Variants in CENPU observed in about 807,000 individuals in gnomAD.
CENPU encodes KSHV latent nuclear antigen interacting protein 1.
A neutral mutation model predicts 56.7 loss-of-function variants in CENPU; 46 were observed. The observed-to-expected ratio is 0.81, with a 90% confidence interval of 0.64 to 1.04. The LOEUF is 1.04. Ranked by LOEUF, CENPU falls within the 50% of genes least tolerant of loss-of-function variation. The pLI is 0.00. For synonymous variants in CENPU, 166 were observed against 163.0 expected (o/e 1.02, Z -0.14); for missense variants, 510 against 490.1 (o/e 1.04, Z -0.38).
In CENPU at chr4:184,716,432, C is replaced by T. The variant is rs779775070; in HGVS notation, c.583G>A (p.Val195Ile). ...TCTATTGCCAAGTTCTCTTTTTCAA[C>T]AGAGGGCTGGGCACTAAGGGGTCCT... ...KTGPLSAQPS[V>I]EKENLAIESQ... Residue 195 changes from valine (V) to isoleucine (I), a missense_variant, in exon 6 of 13, where the codon GTT becomes ATT. Coordinates refer to ENST00000281453, the MANE Select transcript of CENPU (RefSeq NM_024629.4). 1 of 1,614,064 alleles carries T rather than the reference C, an allele frequency of 6.2e-7. No individual in the cohort carries two copies. Among genetic ancestry groups the T allele is most frequent in the Non-Finnish European group, 8.5e-7 (1 of 1,179,980 alleles).
intron 1 of CENPU, among the ~76,000 whole-genome samples, chr4:184,733,712 C>T (rs1206446766): frequency 6.6e-6 from 1 of 152,252 alleles, no homozygotes; most frequent in African/African-American, 2.4e-5. Flanking sequence ...GAATATTTTG[C>T]TTTCAAGCTA....
intron 8 of CENPU, 174 bp from the exon 9 acceptor site, chr4:184,702,615 G>A: frequency 4.2e-6 from 2 of 481,120 alleles, no homozygotes; most frequent in South Asian, 2.5e-5. Flanking sequence ...TAAGGGGTTT[G>A]TTATATGGGC....
intron 3 of CENPU, among the ~76,000 whole-genome samples, chr4:184,727,921 T>G (rs902896755): frequency 6.6e-6 from 1 of 152,164 alleles, no homozygotes; most frequent in African/African-American, 2.4e-5. Context: ...TCCACTGATA[T>G]GTCCAGAAAT....
At chr4:184,712,270 T>C (rs1369769664) in intron 7 of CENPU, among the ~76,000 whole-genome samples, 3 of 151,686 alleles carry the variant, frequency 2.0e-5, no homozygotes, top group African/African-American at 7.3e-5. Flanking sequence ...CCAAACAACA[T>C]AGATGGATTG....
intron 1 of CENPU, among the ~76,000 whole-genome samples, chr4:184,731,717 A>T (rs7680323): frequency 0.6 from 91,546 of 152,042 alleles, 28,382 homozygotes; most frequent in Non-Finnish European, 0.68. Context: ...TTAGACTTTA[A>T]AATATGCCAT....
At chr4:184,701,013 T>C (rs1255837572) in intron 10 of CENPU, 132 bp from the exon 11 acceptor site, 6 of 702,702 alleles carry the variant, frequency 8.5e-6, no homozygotes, top group Admixed American at 4.2e-5. Flanking sequence ...TTTGGTCTAA[T>C]GGGGAAGACA....
chr4:184,732,611 C>T lies in CENPU; in HGVS notation c.47+1405G>A, dbSNP rs76816701. 1.9e-3 allele frequency among the ~76,000 whole-genome samples: 159 copies of T among 82,542 alleles called. 1 individual carries two copies. The East Asian group carries it at 0.021, about 11-fold the overall frequency. The allele number at this position is 82,542 out of a possible 152,430, so 54.2% of individuals were successfully genotyped here. ...ACCTAAACTCTTTGAGCTGTCTTGT[C>T]CTTTCTTGGGGGGGAAAAAAAGTCA... On this transcript the variant is annotated intron_variant, in intron 1 of 12. Coordinates refer to ENST00000281453, the MANE Select transcript of CENPU (RefSeq NM_024629.4).
At chr4:184,703,980 A>G (rs1760633665) in intron 8 of CENPU, among the ~76,000 whole-genome samples, 1 of 152,202 alleles carries the variant, frequency 6.6e-6, no homozygotes, top group Non-Finnish European at 1.5e-5. Context: ...AAACAAACCT[A>G]TAGTGTTGCC....
chr4:184,725,110 G>T, intron 3 of CENPU, 48 bp from the exon 4 acceptor site: 2 of 1,196,662 alleles, frequency 1.7e-6, no homozygotes, highest in Non-Finnish European at 2.4e-6. Flanking sequence ...CTGGCTATTT[G>T]GGCAGTACTG....
rs747829685 is a variant in CENPU at position 184,710,124 on chromosome 4, T to C, written c.745A>G (p.Lys249Glu). The C allele has an allele frequency of 1.2e-6, 2 of 1,612,126 alleles. No individual in the cohort carries two copies. The highest frequency in any genetic ancestry group is 3.3e-5 in the Admixed American group (2 of 59,808). Reference sequence around the variant, plus strand: ...TCAGGCAAAACAATATTCAACTCCTTGATGTCACTGGTTTTCATTCCTTCT... The same window carrying C: ...TCAGGCAAAACAATATTCAACTCCTCGATGTCACTGGTTTTCATTCCTTCT... Reference protein sequence around the residue: ...CPEGMKTSDIKELNIVLPEFE... With the variant: ...CPEGMKTSDIEELNIVLPEFE... The change falls in exon 8 of 13, where the codon AAG becomes GAG. Residue 249 changes from lysine (K) to glutamate (E), a missense_variant. Transcript: ENST00000281453.
intron 3 of CENPU, among the ~76,000 whole-genome samples, chr4:184,726,454 C>T (rs946972312): frequency 2.0e-5 from 3 of 152,052 alleles, no homozygotes; most frequent in African/African-American, 7.2e-5. Flanking sequence ...AAATCAAAAC[C>T]ACAGTGAGAT....
intron 8 of CENPU, among the ~76,000 whole-genome samples, chr4:184,706,649 T>C (rs1760738594): frequency 6.6e-6 from 1 of 152,224 alleles, no homozygotes. Context: ...TACAGGATAT[T>C]ACAAACAGAC....
In CENPU at chr4:184,702,137, C is replaced by T; in HGVS notation, c.877-1G>A. The T allele has an allele frequency of 6.2e-7, 1 of 1,602,930 alleles. No homozygotes were observed. Among genetic ancestry groups the T allele is most frequent in the East Asian group, 2.2e-5 (1 of 44,792 alleles). The stretch of plus-strand genomic sequence containing the variant: ...TTGTCAACATCTGGCTTTCTTTAAG[C>T]TACACAAAACAAAAAATACACATGT... On this transcript the variant is annotated splice_acceptor_variant, in intron 9 of 12. Coordinates refer to ENST00000281453, the MANE Select transcript of CENPU (RefSeq NM_024629.4). LOFTEE classifies it high-confidence loss of function.
chr4:184,709,953 TAAAAATATCTAAAACAATGACAATGAA>T, intron 8 of CENPU, 92 bp downstream of exon 8: 1 of 426,832 alleles, frequency 2.3e-6, no homozygotes, highest in Non-Finnish European at 4.2e-6. Context: ...TAATAAAATG[TAAAAATATCTAAAACAATGACAATGAA>T]AATAGTACAT....
intron 11 of CENPU, chr4:184,698,201 A>G (rs1310508974): frequency 1.3e-5 from 2 of 155,984 alleles, no homozygotes; most frequent in African/African-American, 4.8e-5. Flanking sequence ...CCTTCCTCTT[A>G]TCAAATCTTG....
intron 4 of CENPU, among the ~76,000 whole-genome samples, chr4:184,723,141 A>AG (rs1488199717): frequency 6.6e-6 from 1 of 152,220 alleles, no homozygotes; most frequent in Non-Finnish European, 1.5e-5. Flanking sequence ...AATCACACTA[A>AG]GGAACACCCA....
In CENPU at chr4:184,694,492, A is replaced by T. The variant is rs1291831606; in HGVS notation, c.*796T>A. 1 of 1,597,086 alleles carries T rather than the reference A, an allele frequency of 6.3e-7. No homozygotes were observed. The highest frequency in any genetic ancestry group is 8.6e-7 in the Non-Finnish European group (1 of 1,168,660). On this transcript the variant is annotated 3_prime_UTR_variant, in exon 13 of 13. Transcript: ENST00000281453. ...TCCTGAGTAAATATTTTCCTATCCC[A>T]CTCTCTATCCCTTCACCACTGAAAT...
intron 11 of CENPU, among the ~76,000 whole-genome samples, chr4:184,700,218 G>A (rs1435614647): frequency 6.6e-6 from 1 of 152,106 alleles, no homozygotes; most frequent in African/African-American, 2.4e-5. Flanking sequence ...TGGCCTGCAG[G>A]GCCTGGTAAG....
chr4:184,702,462 A>AG (rs767132542), intron 8 of CENPU, 21 bp from the exon 9 acceptor site: 1 of 1,566,800 alleles, frequency 6.4e-7, no homozygotes, highest in South Asian at 1.2e-5. Flanking sequence ...ATTAAAAAAA[A>AG]GTCTAAGTAC....
Sources: gnomAD v4.1 joint callset for allele counts (sites outside exome capture counted in the v4.1 genomes callset) on GRCh38, gnomAD v4.1.1 for gene constraint, MANE v1.5 for transcripts, NCBI Gene and HGNC (gene_info 2026-07-23, HGNC 2026-07-21) for gene names.